The following COL6A3 variants were observed in gnomAD, a reference collection of about 807,000 sequenced individuals.
COL6A3 encodes the protein collagen alpha-3(VI) chain.
In COL6A3, 137 loss-of-function variants were observed where a neutral mutation model predicts 274.1. That is an observed-to-expected ratio of 0.50 (90% CI 0.44 to 0.58). The LOEUF (loss-of-function observed/expected upper bound fraction) is 0.58, where lower values mean the gene tolerates loss of function less well. COL6A3 is among the 20% of genes least tolerant of loss of function. COL6A3 has a pLI of 0.00. For missense variants in COL6A3, 3,950 were observed against 4,124.9 expected (o/e 0.96, Z 1.16); for synonymous variants, 1,650 against 1,650.6 (o/e 1.00, Z 0.01).
At position 237,361,431 on chromosome 2, in the gene COL6A3, C is replaced by G. The variant is rs1248809069; in HGVS notation, c.6157-257G>C. Among the ~76,000 whole-genome samples, 1 of 152,200 alleles carries G rather than the reference C, an allele frequency of 6.6e-6. No homozygotes were observed. The highest frequency in any genetic ancestry group is 1.5e-5 in the Non-Finnish European group (1 of 68,030). On this transcript the variant is annotated intron_variant, in intron 15 of 43. Transcript: ENST00000295550. This position sits in a 1 kb window ranked among gnomAD's most constrained non-coding sequence, Gnocchi z 5.1. Reference sequence around the variant, plus strand: ...TATGAGTTCCAGCTGCCATTCGCAGCCAGGCTGCTGTCAGGGACGCCAGCT... The same window carrying G: ...TATGAGTTCCAGCTGCCATTCGCAGGCAGGCTGCTGTCAGGGACGCCAGCT...
chr2:237,354,890 G>A lies in COL6A3; in HGVS notation c.6627+9C>T. 1.2e-6 allele frequency: 2 copies of A among 1,613,442 alleles called. No individual in the cohort carries two copies. The highest frequency in any genetic ancestry group is 2.2e-5 in the South Asian group (2 of 90,850). ...AGAGAGTCTCCAGGGGGCACTGCATGAGGCTCACCTTAGCTCCGGGGGGTC... is the reference window on the plus strand; with the variant it reads ...AGAGAGTCTCCAGGGGGCACTGCATAAGGCTCACCTTAGCTCCGGGGGGTC... On this transcript the variant is annotated intron_variant, in intron 24 of 43. Coordinates refer to ENST00000295550, the MANE Select transcript of COL6A3 (RefSeq NM_004369.4).
chr2:237,389,170 C>G (rs1345099202), intron 3 of COL6A3, among the ~76,000 whole-genome samples: 2 of 152,134 alleles, frequency 1.3e-5, no homozygotes, highest in African/African-American at 4.8e-5. Flanking sequence ...AGAGAATTCC[C>G]AACCTGATGC....
At chr2:237,352,276 C>T (rs537812988) in intron 26 of COL6A3, among the ~76,000 whole-genome samples, 2 of 152,296 alleles carry the variant, frequency 1.3e-5, no homozygotes, top group East Asian at 1.9e-4. Context: ...CACCCAGGGA[C>T]ACTTGGAAGG....
intron 7 of COL6A3, among the ~76,000 whole-genome samples, chr2:237,375,771 G>A (rs1023475929): frequency 1.2e-4 from 18 of 152,198 alleles, no homozygotes; most frequent in Admixed American, 6.5e-5. Flanking sequence ...TCCAACTCCT[G>A]ACCTCAGGCA....
At chr2:237,341,980 A>T in intron 37 of COL6A3, 85 bp downstream of exon 37, 5 of 1,089,060 alleles carry the variant, frequency 4.6e-6, no homozygotes, top group Non-Finnish European at 7.0e-6. Context: ...CTTTTTACAG[A>T]TCATCATTAT....
intron 42 of COL6A3, chr2:237,329,279 T>C (rs1700105042): frequency 6.6e-6 from 1 of 152,230 alleles, no homozygotes; most frequent in African/African-American, 2.4e-5. Flanking sequence ...GGTCTCGAAC[T>C]CCTGACCTCA....
rs886044010 is a variant in COL6A3, at chr2:237,387,817, A to G, written c.1077T>C (p.Ser359=). 5 of 1,614,166 alleles carry G rather than the reference A, an allele frequency of 3.1e-6. No individual in the cohort carries two copies. The highest frequency in any genetic ancestry group is 4.2e-6 in the Non-Finnish European group (5 of 1,180,020). The change falls in exon 4 of 44, where the codon AGT becomes AGC. Residue 359 remains serine, a synonymous_variant. Transcript: ENST00000295550. The stretch of plus-strand genomic sequence containing the variant: ...CTACCACCCCGTAGCGAATCTCGTC[A>G]CTAGAAGGCCCGGCACTTATGAGGA... ...VLVLISAGPS[S]DEIRYGVVAL... is the part of the protein sequence containing the mutation.
chr2:237,361,221 T>G lies in COL6A3; in HGVS notation c.6157-47A>C, dbSNP rs1243776019. ...CTCTGTTTAATCCCGTGGTCTTCTTTGCTCTACAGTAAGAATCCCTGTGGT... is the reference window on the plus strand; with the variant it reads ...CTCTGTTTAATCCCGTGGTCTTCTTGGCTCTACAGTAAGAATCCCTGTGGT... On this transcript the variant is annotated intron_variant, in intron 15 of 43. Transcript: ENST00000295550. This position sits in a 1 kb window ranked among gnomAD's most constrained non-coding sequence, Gnocchi z 5.1. 1.3e-6 allele frequency: 2 copies of G among 1,570,254 alleles called. No individual in the cohort carries two copies. The highest frequency in any genetic ancestry group is 1.1e-5 in the South Asian group (1 of 90,190).
In COL6A3 at chr2:237,341,543, T is replaced by TAAAAAA. The variant is rs71039760; in HGVS notation, c.7766-399_7766-394dup. 3.7e-4 allele frequency among the ~76,000 whole-genome samples: 18 copies of TAAAAAA among 49,112 alleles called. 1 individual carries two copies. The highest frequency in any genetic ancestry group is 1.4e-3 in the African/African-American group (15 of 11,104). 32.2% of individuals were successfully genotyped at this position (49,112 alleles called of 152,430 possible). A position where few individuals can be genotyped will look rare whatever the true frequency, so the allele number is the denominator to read the frequency against. ...TGGGCAACAAGAGCAAGACTCTGTC[T>TAAAAAA]AAAAAAAAAAAAAAAAAAAAAAAAA... On this transcript the variant is annotated intron_variant, in intron 37 of 43. Coordinates refer to ENST00000295550, the MANE Select transcript of COL6A3 (RefSeq NM_004369.4).
At chr2:237,406,567 C>A (rs1033325642) in intron 1 of COL6A3, among the ~76,000 whole-genome samples, 2 of 152,120 alleles carry the variant, frequency 1.3e-5, no homozygotes, top group African/African-American at 4.8e-5. Flanking sequence ...GGCACTCATC[C>A]ACCCTTGCCT....
intron 4 of COL6A3, 54 bp from the exon 5 acceptor site, chr2:237,381,553 A>G (rs1447772460): frequency 7.1e-7 from 1 of 1,410,552 alleles, no homozygotes. Context: ...AGCACAATCA[A>G]CAATGACTTT....
chr2:237,371,950 G>T lies in COL6A3; in HGVS notation c.4067C>A (p.Ala1356Glu). ...CACGCCAAACTGCTTGAGCTCCACC[G>T]CCGGGTCGTCCACCTCATCGTCAGA... Reference protein sequence around the residue: ...GKSDDEVDDPAVELKQFGVAP... With the variant: ...GKSDDEVDDPEVELKQFGVAP... Residue 1356 changes from alanine (A) to glutamate (E), a missense_variant, in exon 9 of 44, where the codon GCG becomes GAG. Ala to Glu is a moderately radical substitution (Grantham distance 107, BLOSUM62 -1). Transcript: ENST00000295550. The surrounding 1 kb of genome is among the most constrained non-coding windows in gnomAD (Gnocchi z 4.3). 6.2e-7 allele frequency: 1 copy of T among 1,614,036 alleles called. No homozygotes were observed. The highest frequency in any genetic ancestry group is 2.2e-5 in the East Asian group (1 of 44,852).
rs2077603528 is a variant in COL6A3, at chr2:237,368,406, T to A, written c.4900+157A>T. 6.6e-6 allele frequency among the ~76,000 whole-genome samples: 1 copy of A among 152,236 alleles called. No individual in the cohort carries two copies. Among genetic ancestry groups the A allele is most frequent in the Admixed American group, 6.5e-5 (1 of 15,290 alleles). On this transcript the variant is annotated intron_variant, in intron 10 of 43. Coordinates refer to ENST00000295550, the MANE Select transcript of COL6A3 (RefSeq NM_004369.4). This position sits in a 1 kb window ranked among gnomAD's most constrained non-coding sequence, Gnocchi z 4.4. ...TCAATAATATGCTTCCTTCTGCAAT[T>A]TCAATGGAACTACTTTTCCAGTATT...
At chr2:237,406,322 T>C (rs1346699007) in intron 1 of COL6A3, among the ~76,000 whole-genome samples, 4 of 152,130 alleles carry the variant, frequency 2.6e-5, no homozygotes, top group Non-Finnish European at 5.9e-5. Context: ...CACAAGGAAA[T>C]AGTTTGAAAA....
At chr2:237,404,554 TGATAA>T (rs901044803) in intron 1 of COL6A3, among the ~76,000 whole-genome samples, 1 of 152,158 alleles carries the variant, frequency 6.6e-6, no homozygotes, top group Non-Finnish European at 1.5e-5. Flanking sequence ...AAATAGGACA[TGATAA>T]GATGAGAGCT....
chr2:237,346,586 AT>A (rs1324208210), intron 31 of COL6A3, 21 bp from the exon 32 acceptor site: 1 of 1,606,066 alleles, frequency 6.2e-7, no homozygotes, highest in Non-Finnish European at 8.5e-7. Context: ...CAGAACAAAC[AT>A]TGTTCAACTG....
intron 38 of COL6A3, 115 bp from the exon 39 acceptor site, chr2:237,339,232 T>A: frequency 1.3e-6 from 1 of 783,494 alleles, no homozygotes. Flanking sequence ...CCATAATTAT[T>A]GTTGAATTAA....
At chr2:237,402,551 A>G (rs1447497811) in intron 1 of COL6A3, among the ~76,000 whole-genome samples, 2 of 152,200 alleles carry the variant, frequency 1.3e-5, no homozygotes, top group Non-Finnish European at 2.9e-5. Flanking sequence ...AGGAAAAAAC[A>G]GTACAACTAA....
chr2:237,364,437 A>C lies in COL6A3; in HGVS notation c.5839-9T>G, dbSNP rs745307761. On this transcript the variant is annotated splice_polypyrimidine_tract_variant and intron_variant, in intron 12 of 43. Coordinates refer to ENST00000295550, the MANE Select transcript of COL6A3 (RefSeq NM_004369.4). The surrounding 1 kb of genome is among the most constrained non-coding windows in gnomAD (Gnocchi z 4.6). ...GTAAAATGAATGACCACCTGCAGAT[A>C]AGAGAGCTGTCAAATCCCAGGAAAA... is the stretch of plus-strand genomic sequence containing the variant. 1.2e-6 allele frequency: 2 copies of C among 1,608,888 alleles called. No homozygotes were observed. Among genetic ancestry groups the C allele is most frequent in the East Asian group, 4.5e-5 (2 of 44,868 alleles).
Sources: gnomAD v4.1 joint callset for allele counts (sites outside exome capture counted in the v4.1 genomes callset) on GRCh38, gnomAD v4.1.1 for gene constraint, Gnocchi (gnomAD v3.1) non-coding constraint, MANE v1.5 for transcripts, NCBI Gene and HGNC (gene_info 2026-07-23, HGNC 2026-07-21) for gene names.